Variants in QTMAN observed in about 807,000 individuals in gnomAD.
QTMAN encodes tRNA-queuosine alpha-mannosyltransferase.
the QTMAN span, among the ~76,000 whole-genome samples, chr2:144,300,447 T>C: frequency 2.6e-5 from 4 of 152,150 alleles, no homozygotes; most frequent in Admixed American, 6.5e-5. Context: ...AACTTACACA[T>C]AAAACTAGTA....
At chr2:144,184,651 G>A in the QTMAN span, among the ~76,000 whole-genome samples, 2 of 151,560 alleles carry the variant, frequency 1.3e-5, no homozygotes, top group Non-Finnish European at 2.9e-5. Context: ...ATTACAGAAG[G>A]GACTAAATAT....
the QTMAN span, among the ~76,000 whole-genome samples, chr2:144,270,724 T>C: frequency 6.6e-6 from 1 of 152,098 alleles, no homozygotes; most frequent in Non-Finnish European, 1.5e-5. Context: ...AAAACCTAGA[T>C]GATGGGTTGA....
the QTMAN span, chr2:144,237,155 A>G: frequency 6.6e-6 from 1 of 152,158 alleles, no homozygotes; most frequent in South Asian, 2.1e-4. Context: ...ACAAACAAGT[A>G]TATCAGCAAT....
the QTMAN span, among the ~76,000 whole-genome samples, chr2:144,004,748 A>ACATCAT: frequency 6.6e-6 from 1 of 151,852 alleles, no homozygotes; most frequent in Admixed American, 6.6e-5. Context: ...CTGCAAGATA[A>ACATCAT]CATCATCATC....
the QTMAN span, among the ~76,000 whole-genome samples, chr2:144,302,419 T>C: frequency 9.9e-4 from 151 of 152,110 alleles, 1 homozygote; most frequent in Non-Finnish European, 1.2e-3. Context: ...ACAGATGAAA[T>C]GAACAGACCC....
chr2:144,298,295 G>A, the QTMAN span, among the ~76,000 whole-genome samples: 1 of 152,166 alleles, frequency 6.6e-6, no homozygotes, highest in Non-Finnish European at 1.5e-5. Context: ...TGGATTTACA[G>A]GCGTGAGCCA....
the QTMAN span, among the ~76,000 whole-genome samples, chr2:144,201,409 G>T: frequency 6.6e-6 from 1 of 152,178 alleles, no homozygotes; most frequent in Non-Finnish European, 1.5e-5. Flanking sequence ...CAGGGGAGGA[G>T]ATGATGTTGC....
At chr2:144,169,667 C>T in the QTMAN span, among the ~76,000 whole-genome samples, 1 of 151,810 alleles carries the variant, frequency 6.6e-6, no homozygotes, top group Non-Finnish European at 1.5e-5. Flanking sequence ...TTTGTTTTTG[C>T]TTCAATGGTC....
the QTMAN span, among the ~76,000 whole-genome samples, chr2:144,117,915 G>C: frequency 2.6e-5 from 4 of 151,944 alleles, no homozygotes; most frequent in Non-Finnish European, 5.9e-5. Flanking sequence ...GCGCCCTCTT[G>C]GCTCGCTATA....
the QTMAN span, among the ~76,000 whole-genome samples, chr2:143,971,537 T>A: frequency 6.6e-6 from 1 of 152,170 alleles, no homozygotes; most frequent in Non-Finnish European, 1.5e-5. Flanking sequence ...CTAACATTTT[T>A]AAAAACTCTA....
the QTMAN span, among the ~76,000 whole-genome samples, chr2:144,288,454 C>A: frequency 5.9e-5 from 9 of 152,110 alleles, no homozygotes; most frequent in African/African-American, 1.9e-4. Context: ...GAATCTAATA[C>A]GTTTTCAGAG....
chr2:143,942,734 G>A, the QTMAN span: 1 of 167,104 alleles, frequency 6.0e-6, no homozygotes, highest in Non-Finnish European at 1.5e-5. Context: ...ACAGCATGAG[G>A]GTTGAGGTGA....
the QTMAN span, among the ~76,000 whole-genome samples, chr2:144,258,032 T>C: frequency 6.6e-6 from 1 of 151,692 alleles, no homozygotes; most frequent in Admixed American, 6.6e-5. Context: ...GGGTGAAGAC[T>C]GGGAGGAAAA....
At chr2:144,135,531 C>G in the QTMAN span, among the ~76,000 whole-genome samples, 1 of 152,122 alleles carries the variant, frequency 6.6e-6, no homozygotes, top group Non-Finnish European at 1.5e-5. Context: ...AAAATTCTTT[C>G]TTAAAATTTC....
the QTMAN span, among the ~76,000 whole-genome samples, chr2:144,223,988 C>G: frequency 6.6e-6 from 1 of 152,136 alleles, no homozygotes; most frequent in Non-Finnish European, 1.5e-5. Context: ...TCTTGTAAAA[C>G]CATCTTCAAA....
At chr2:144,297,552 C>T in the QTMAN span, among the ~76,000 whole-genome samples, 1 of 150,462 alleles carries the variant, frequency 6.6e-6, no homozygotes, top group Admixed American at 6.6e-5. Context: ...CCTGTAATCC[C>T]AGACCTTTGG....
chr2:144,102,529 C>T, the QTMAN span, among the ~76,000 whole-genome samples: 1 of 152,118 alleles, frequency 6.6e-6, no homozygotes, highest in Admixed American at 6.5e-5. Context: ...TGATCCAGCC[C>T]CACCCTATCC....
the QTMAN span, among the ~76,000 whole-genome samples, chr2:144,331,484 A>G: frequency 0.028 from 4,197 of 151,578 alleles, 185 homozygotes; most frequent in African/African-American, 0.095. Context: ...GAAAATCATC[A>G]TCAACTCACG....
the QTMAN span, among the ~76,000 whole-genome samples, chr2:144,098,267 A>G: frequency 2.0e-5 from 3 of 152,236 alleles, no homozygotes; most frequent in African/African-American, 7.2e-5. Context: ...GCCACACCCA[A>G]TACTTCCATG....
Sources: gnomAD v4.1 joint callset for allele counts (sites outside exome capture counted in the v4.1 genomes callset) on GRCh38, gnomAD v4.1.1 for gene constraint, MANE v1.5 for transcripts, NCBI Gene and HGNC (gene_info 2026-07-23, HGNC 2026-07-21) for gene names.